Variants in FER observed in about 807,000 individuals in gnomAD.
The protein encoded by FER is tyrosine-protein kinase Fer.
Under a neutral mutation model 111.0 loss-of-function variants are expected in FER, and 63 were observed. That is an observed-to-expected ratio of 0.57 (90% CI 0.46 to 0.70). The LOEUF (loss-of-function observed/expected upper bound fraction) is 0.70. FER is among the 30% of genes least tolerant of loss of function. The pLI is 0.00. For missense variants in FER, 914 were observed against 954.0 expected (o/e 0.96, Z 0.55); for synonymous variants, 327 against 313.9 (o/e 1.04, Z -0.44).
intron 13 of FER, among the ~76,000 whole-genome samples, chr5:109,025,547 A>G (rs865999788): frequency 1.3e-5 from 2 of 151,850 alleles, no homozygotes; most frequent in East Asian, 1.9e-4. Flanking sequence ...TTCTAGATAT[A>G]CAATCATGTC....
intron 16 of FER, among the ~76,000 whole-genome samples, chr5:109,056,840 A>G (rs1228132379): frequency 6.6e-6 from 1 of 152,194 alleles, no homozygotes; most frequent in Non-Finnish European, 1.5e-5. Flanking sequence ...TATACACAAT[A>G]ATAGTTCTTT....
chr5:109,041,035 T>C (rs888331752), intron 14 of FER, among the ~76,000 whole-genome samples: 2 of 152,046 alleles, frequency 1.3e-5, no homozygotes, highest in Non-Finnish European at 2.9e-5. Flanking sequence ...ATGGGAGATT[T>C]GAGAAGAGAA....
At position 109,044,867 on chromosome 5, in the gene FER, ATC is replaced by A. The variant is rs1185261276; in HGVS notation, c.1829+74_1829+75del. The A allele has an allele frequency of 1.1e-5, 9 of 805,552 alleles. 1 individual carries two copies. In the African/African-American group the frequency reaches 1.4e-4, roughly 13 times the overall value. The allele number at this position is 805,552 out of a possible 1,614,324, so 49.9% of individuals were successfully genotyped here. On this transcript the variant is annotated intron_variant, in intron 15 of 19. Transcript: ENST00000281092. ...TTTATTAAAATGTAAGTTTGAAGAC[ATC>A]TTAAATTGTGATTTACTGAAATAGT... is the stretch of plus-strand genomic sequence containing the variant.
intron 17 of FER, among the ~76,000 whole-genome samples, chr5:109,122,654 G>A (rs1751131824): frequency 6.6e-6 from 1 of 152,140 alleles, no homozygotes; most frequent in African/African-American, 2.4e-5. Context: ...TATGTCCAAT[G>A]CGGAAAGTGG....
At chr5:108,945,271 T>A (rs79546855) in intron 10 of FER, among the ~76,000 whole-genome samples, 2,158 of 152,242 alleles carry the variant, frequency 0.014, 24 homozygotes, top group Admixed American at 0.022. Flanking sequence ...GTAGTCGTCA[T>A]TGGAAAATTG....
At chr5:109,072,754 A>G (rs1455510288) in intron 16 of FER, among the ~76,000 whole-genome samples, 1 of 152,032 alleles carries the variant, frequency 6.6e-6, no homozygotes, top group East Asian at 1.9e-4. Context: ...TATGTGATTT[A>G]AAACAACAGA....
chr5:108,757,671 C>T (rs1751271019), intron 1 of FER, among the ~76,000 whole-genome samples: 1 of 152,144 alleles, frequency 6.6e-6, no homozygotes, highest in Admixed American at 6.5e-5. Flanking sequence ...TAAATCCTGT[C>T]CTCCATCCCT....
intron 9 of FER, among the ~76,000 whole-genome samples, chr5:108,884,131 A>G (rs1018299244): frequency 2.0e-5 from 3 of 152,060 alleles, no homozygotes; most frequent in East Asian, 1.9e-4. Flanking sequence ...TATTAATTGC[A>G]TCTACAAGAG....
At chr5:108,994,141 G>A (rs1763694691) in intron 13 of FER, among the ~76,000 whole-genome samples, 3 of 152,110 alleles carry the variant, frequency 2.0e-5, no homozygotes. Context: ...GATCCCATAT[G>A]TCAGTTTTTG....
intron 1 of FER, among the ~76,000 whole-genome samples, chr5:108,751,124 G>A (rs1436254557): frequency 6.6e-6 from 1 of 152,064 alleles, no homozygotes; most frequent in Non-Finnish European, 1.5e-5. Context: ...CCCGTGAGGC[G>A]GAGGTTGTGG....
intron 10 of FER, among the ~76,000 whole-genome samples, chr5:108,937,310 G>C (rs1035297695): frequency 1.3e-5 from 2 of 152,066 alleles, no homozygotes; most frequent in Middle Eastern, 3.4e-3. Context: ...ATGGGAAACT[G>C]ATAAAAGGCC....
intron 13 of FER, among the ~76,000 whole-genome samples, chr5:108,995,095 C>G (rs1031793472): frequency 6.6e-6 from 1 of 151,716 alleles, no homozygotes; most frequent in African/African-American, 2.4e-5. Flanking sequence ...ATTTGTATAC[C>G]CTCTATTTCT....
chr5:108,907,214 T>C (rs965205018), intron 10 of FER, among the ~76,000 whole-genome samples: 2 of 152,128 alleles, frequency 1.3e-5, no homozygotes, highest in African/African-American at 4.8e-5. Flanking sequence ...CATTTCCTTT[T>C]TCCCTCTTTT....
chr5:109,127,292 GT>G (rs1363245521), intron 17 of FER, among the ~76,000 whole-genome samples: 1 of 152,144 alleles, frequency 6.6e-6, no homozygotes, highest in Admixed American at 6.5e-5. Flanking sequence ...ATAGTAAAGA[GT>G]TCAGAGTGTG....
chr5:109,165,622 GTGTGTGTGTGTGTGTGTA>G lies in FER; in HGVS notation c.2049-15123_2049-15106del, dbSNP rs746619244. Among the ~76,000 whole-genome samples the G allele has an allele frequency of 9.3e-3, 973 of 104,904 alleles. 7 individuals carry two copies. Among genetic ancestry groups the G allele is most frequent in the African/African-American group, 0.026 (816 of 30,796 alleles). 68.8% of individuals were successfully genotyped at this position (104,904 alleles called of 152,430 possible). On this transcript the variant is annotated intron_variant, in intron 17 of 19. Transcript: ENST00000281092. ...TGTGTGTGTGTGTGTGTGTGTGTGT[GTGTGTGTGTGTGTGTGTA>G]TACACACATATATATCACAGACTCA...
chr5:108,994,964 T>C (rs140644962), intron 13 of FER, among the ~76,000 whole-genome samples: 1,540 of 152,312 alleles, frequency 0.01, 22 homozygotes, highest in African/African-American at 0.035. Context: ...TGATTTTGTA[T>C]CCTGAGACTT....
At chr5:109,156,636 G>T (rs1755424753) in intron 17 of FER, among the ~76,000 whole-genome samples, 1 of 151,892 alleles carries the variant, frequency 6.6e-6, no homozygotes, top group African/African-American at 2.4e-5. Context: ...ACCAAACCTG[G>T]GGGAACATCA....
chr5:109,044,465 G>A (rs953538713), intron 14 of FER, among the ~76,000 whole-genome samples: 2 of 152,146 alleles, frequency 1.3e-5, no homozygotes, highest in Non-Finnish European at 2.9e-5. Context: ...ACAGGCATGA[G>A]CCACCACGCC....
intron 10 of FER, among the ~76,000 whole-genome samples, chr5:108,921,147 T>C (rs1376817722): frequency 6.6e-6 from 1 of 152,158 alleles, no homozygotes. Flanking sequence ...CTGTCATCAT[T>C]ATTTATCCTA....
Sources: allele counts gnomAD v4.1 joint callset (sites outside exome capture counted in the v4.1 genomes callset), GRCh38; gene constraint gnomAD v4.1.1; transcripts MANE v1.5; gene names NCBI Gene and HGNC (gene_info 2026-07-23, HGNC 2026-07-21).